The following LRRTM4 variants were observed in gnomAD, a reference collection of about 807,000 sequenced individuals.
LRRTM4 encodes leucine rich repeat transmembrane neuronal 4, also known as leucine-rich repeat transmembrane neuronal protein 4.
A neutral mutation model predicts 47.6 loss-of-function variants in LRRTM4; 25 were observed. The ratio of observed to expected loss-of-function variants is 0.53; its 90% CI spans 0.38 to 0.73. The LOEUF (loss-of-function observed/expected upper bound fraction) is 0.73, where lower values mean the gene tolerates loss of function less well. Ranked by LOEUF, LRRTM4 falls within the 30% of genes least tolerant of loss-of-function variation. The probability of loss-of-function intolerance (pLI) is 0.00; values close to 1 mark genes in which losing one functional copy is unlikely to be tolerated. For missense variants in LRRTM4, 638 were observed against 713.4 expected, an observed-to-expected ratio of 0.89 and a Z score of 1.20; for synonymous variants, 311 against 269.5, an observed-to-expected ratio of 1.15 and a Z score of -1.51.
intron 3 of LRRTM4, among the ~76,000 whole-genome samples, chr2:77,130,324 C>T (rs1213635244): frequency 6.6e-6 from 1 of 151,912 alleles, no homozygotes; most frequent in Non-Finnish European, 1.5e-5. Flanking sequence ...ATATTCTTTC[C>T]TCCAGAATGG....
intron 3 of LRRTM4, among the ~76,000 whole-genome samples, chr2:77,157,168 G>C (rs1672582750): frequency 1.3e-5 from 2 of 152,084 alleles, no homozygotes; most frequent in African/African-American, 4.8e-5. Flanking sequence ...CATTAAAAGA[G>C]AAATGATCAA....
chr2:77,424,416 A>G (rs1675027176), intron 3 of LRRTM4, among the ~76,000 whole-genome samples: 1 of 140,352 alleles, frequency 7.1e-6, no homozygotes, highest in Non-Finnish European at 1.6e-5. Context: ...TTTTCATAAT[A>G]TACTCCATTA....
At chr2:77,104,169 A>G (rs1236245204) in intron 3 of LRRTM4, among the ~76,000 whole-genome samples, 3 of 152,148 alleles carry the variant, frequency 2.0e-5, no homozygotes, top group African/African-American at 7.2e-5. Context: ...CTTCAATCCT[A>G]TCAATAATTC....
intron 3 of LRRTM4, among the ~76,000 whole-genome samples, chr2:77,171,653 TTTTA>T (rs1165937417): frequency 6.6e-6 from 1 of 151,834 alleles, no homozygotes; most frequent in African/African-American, 2.4e-5. Flanking sequence ...TCAGAAATAT[TTTTA>T]TTTATATTTT....
At chr2:77,389,844 A>C (rs1035085676) in intron 3 of LRRTM4, among the ~76,000 whole-genome samples, 7 of 151,734 alleles carry the variant, frequency 4.6e-5, no homozygotes, top group African/African-American at 1.5e-4. Flanking sequence ...TTTCTTGAGC[A>C]CCTAATATGT....
chr2:77,426,415 G>T (rs1304601301), intron 3 of LRRTM4, among the ~76,000 whole-genome samples: 2 of 152,082 alleles, frequency 1.3e-5, no homozygotes, highest in African/African-American at 4.8e-5. Flanking sequence ...GATATTCCTT[G>T]AGCAAAACAC....
At chr2:77,219,787 A>G (rs939446632) in intron 3 of LRRTM4, among the ~76,000 whole-genome samples, 1 of 152,312 alleles carries the variant, frequency 6.6e-6, no homozygotes, top group African/African-American at 2.4e-5. Context: ...GGGGCAGGGC[A>G]TAGACAATCA....
chr2:76,981,653 T>C (rs1238616723), intron 3 of LRRTM4, among the ~76,000 whole-genome samples: 2 of 151,964 alleles, frequency 1.3e-5, no homozygotes, highest in Non-Finnish European at 2.9e-5. Context: ...CCACCATGCC[T>C]AGCTAGTTTC....
intron 3 of LRRTM4, among the ~76,000 whole-genome samples, chr2:77,192,544 A>G (rs972362320): frequency 1.2e-4 from 19 of 152,168 alleles, no homozygotes; most frequent in Non-Finnish European, 2.6e-4. Context: ...TTTCTAAAAA[A>G]TGTAAAAATA....
At chr2:77,517,989 T>C in intron 3 of LRRTM4, 1 of 1,043,692 alleles carries the variant, frequency 9.6e-7, no homozygotes, top group Admixed American at 5.5e-5. Context: ...CAGACAGAAA[T>C]TTCAGAATGA....
intron 3 of LRRTM4, among the ~76,000 whole-genome samples, chr2:76,833,262 G>C (rs924424159): frequency 2.0e-5 from 3 of 152,086 alleles, no homozygotes; most frequent in African/African-American, 7.2e-5. Flanking sequence ...TCCTTTAAAA[G>C]AATCCTCCGT....
chr2:77,023,808 A>C (rs775291252), intron 3 of LRRTM4, among the ~76,000 whole-genome samples: 13 of 152,112 alleles, frequency 8.5e-5, no homozygotes, highest in Non-Finnish European at 1.5e-4. Flanking sequence ...GGGCCCTCCA[A>C]ACTGTTCCAA....
chr2:77,315,073 C>T (rs560017657), intron 3 of LRRTM4, among the ~76,000 whole-genome samples: 62 of 152,266 alleles, frequency 4.1e-4, no homozygotes, highest in Non-Finnish European at 7.9e-4. Context: ...TTTCAAATTA[C>T]AACAGGTTTA....
chr2:76,964,155 T>A (rs1314998127), intron 3 of LRRTM4, among the ~76,000 whole-genome samples: 1 of 150,964 alleles, frequency 6.6e-6, no homozygotes, highest in Non-Finnish European at 1.5e-5. Flanking sequence ...AAAATGAATG[T>A]TTGTAGCTGT....
At chr2:77,007,422 A>AT (rs1266362652) in intron 3 of LRRTM4, among the ~76,000 whole-genome samples, 2 of 152,194 alleles carry the variant, frequency 1.3e-5, no homozygotes, top group African/African-American at 2.4e-5. Context: ...TTGCTGAGAT[A>AT]TATTGGCTAT....
Position 77,174,496 on chromosome 2 carries a change from C to T in LRRTM4, c.1551+343822G>A, listed in dbSNP as rs575278164. On this transcript the variant is annotated intron_variant, in intron 3 of 3. Transcript: ENST00000409884. ...GCAGGGGCCTCTGTGTGGAGAAATG[C>T]CCTCAAAGGGTAACCGGTAGTTGTT... is the stretch of plus-strand genomic sequence containing the variant. Among the ~76,000 whole-genome samples, 17 of 152,194 alleles carry T rather than the reference C, an allele frequency of 1.1e-4. No individual in the cohort carries two copies. In the South Asian group the frequency reaches 1.5e-3, roughly 13 times the overall value.
chr2:76,902,459 T>C (rs1035634589), intron 3 of LRRTM4, among the ~76,000 whole-genome samples: 9 of 152,196 alleles, frequency 5.9e-5, no homozygotes, highest in Non-Finnish European at 1.5e-5. Flanking sequence ...CAGGCCACCT[T>C]ACCATGACCA....
intron 3 of LRRTM4, among the ~76,000 whole-genome samples, chr2:76,780,828 A>G: frequency 6.6e-6 from 1 of 151,638 alleles, no homozygotes; most frequent in Non-Finnish European, 1.5e-5. Flanking sequence ...GGAGGAGGAG[A>G]GGTGCTCTGC....
chr2:77,057,707 G>A (rs1679655204), intron 3 of LRRTM4, among the ~76,000 whole-genome samples: 2 of 152,104 alleles, frequency 1.3e-5, no homozygotes, highest in African/African-American at 2.4e-5. Context: ...GACCTCTTAA[G>A]TACTTTTTTA....
Sources: gnomAD v4.1 joint callset for allele counts (sites outside exome capture counted in the v4.1 genomes callset) on GRCh38, gnomAD v4.1.1 for gene constraint, MANE v1.5 for transcripts, NCBI Gene and HGNC (gene_info 2026-07-23, HGNC 2026-07-21) for gene names.